Variants in C4orf36 observed in about 807,000 individuals in gnomAD.
C4orf36 encodes the protein chromosome 4 open reading frame 36.
In C4orf36, 11 loss-of-function variants were observed where a neutral mutation model predicts 12.2. The observed-to-expected ratio is 0.90, with a 90% CI of 0.57 to 1.49. The LOEUF (loss-of-function observed/expected upper bound fraction) is 1.49, where lower values mean the gene tolerates loss of function less well. C4orf36 is among the 40% of genes most tolerant of loss of function. The pLI is 0.00. For missense variants in C4orf36, 137 were observed against 133.9 expected, an observed-to-expected ratio of 1.02 and a Z score of -0.11; for synonymous variants, 54 against 51.3, an observed-to-expected ratio of 1.05 and a Z score of -0.22.
chr4:86,914,501 A>G, the C4orf36 span: 2 of 480,306 alleles, frequency 4.2e-6, no homozygotes, highest in Non-Finnish European at 3.6e-6. Flanking sequence ...CTTGGGTACC[A>G]GCAATTCTCC....
At chr4:86,923,621 TG>T in the C4orf36 span, among the ~76,000 whole-genome samples, 1 of 151,862 alleles carries the variant, frequency 6.6e-6, no homozygotes, top group East Asian at 1.9e-4. Flanking sequence ...TAGCCACATG[TG>T]GTGGTGGCAG....
chr4:86,908,501 G>C, the C4orf36 span, among the ~76,000 whole-genome samples: 1 of 143,818 alleles, frequency 7.0e-6, no homozygotes, highest in Non-Finnish European at 1.5e-5. Flanking sequence ...TTAAAAGTAA[G>C]TAATATGAGA....
At chr4:86,909,873 C>A in the C4orf36 span, among the ~76,000 whole-genome samples, 5 of 137,230 alleles carry the variant, frequency 3.6e-5, no homozygotes, top group Non-Finnish European at 4.6e-5. Flanking sequence ...AGCCAGGTGC[C>A]TGGGCAACAG....
intron 4 of C4orf36, among the ~76,000 whole-genome samples, chr4:86,879,851 C>CT (rs34363324): frequency 8.7e-5 from 12 of 137,302 alleles, no homozygotes; most frequent in Admixed American, 5.0e-4. Flanking sequence ...TGTTTTGTTT[C>CT]TTTTTTTTTT....
At chr4:86,921,996 CACAT>C in the C4orf36 span, among the ~76,000 whole-genome samples, 4 of 152,104 alleles carry the variant, frequency 2.6e-5, no homozygotes, top group South Asian at 2.1e-4. Context: ...AATTATAACT[CACAT>C]ACAAATACAA....
At chr4:86,920,276 A>G in the C4orf36 span, among the ~76,000 whole-genome samples, 1 of 152,120 alleles carries the variant, frequency 6.6e-6, no homozygotes, top group Non-Finnish European at 1.5e-5. Context: ...GTAATCTATA[A>G]TTAGTCTCAG....
the C4orf36 span, among the ~76,000 whole-genome samples, chr4:86,905,422 G>A: frequency 6.6e-6 from 1 of 151,786 alleles, no homozygotes; most frequent in South Asian, 2.1e-4. Context: ...TGTGGCAGTT[G>A]CGTGCCTGTA....
intron 4 of C4orf36, chr4:86,887,485 T>C: frequency 3.2e-6 from 1 of 312,318 alleles, no homozygotes; most frequent in Non-Finnish European, 5.8e-6. Context: ...TTTAGTGCAA[T>C]TTTACAAAAA....
At chr4:86,902,971 G>A in the C4orf36 span, among the ~76,000 whole-genome samples, 1 of 152,218 alleles carries the variant, frequency 6.6e-6, no homozygotes, top group South Asian at 2.1e-4. Context: ...ACCTTTGAAG[G>A]GAGAGAGGGG....
chr4:86,904,958 G>C, the C4orf36 span, among the ~76,000 whole-genome samples: 2 of 152,094 alleles, frequency 1.3e-5, no homozygotes, highest in Non-Finnish European at 2.9e-5. Context: ...AATGAGGGGC[G>C]GTTGCGGTAA....
the C4orf36 span, among the ~76,000 whole-genome samples, chr4:86,911,110 T>C: frequency 6.6e-6 from 1 of 151,866 alleles, no homozygotes; most frequent in Non-Finnish European, 1.5e-5. Flanking sequence ...AAGTTTTGCA[T>C]GAAATAACCA....
the C4orf36 span, among the ~76,000 whole-genome samples, chr4:86,902,471 A>G: frequency 6.6e-6 from 1 of 151,864 alleles, no homozygotes. Flanking sequence ...AAAGGGAATG[A>G]ACAGACTCTC....
the C4orf36 span, among the ~76,000 whole-genome samples, chr4:86,916,684 G>A: frequency 1.2e-3 from 178 of 152,244 alleles, 1 homozygote; most frequent in African/African-American, 4.1e-3. Flanking sequence ...CACATATTCT[G>A]GGTATAAATG....
At chr4:86,906,412 T>C in the C4orf36 span, among the ~76,000 whole-genome samples, 1 of 152,076 alleles carries the variant, frequency 6.6e-6, no homozygotes, top group African/African-American at 2.4e-5. Flanking sequence ...CGGATTCAGA[T>C]AGTATGGGCC....
chr4:86,908,630 C>G, the C4orf36 span, among the ~76,000 whole-genome samples: 9 of 151,384 alleles, frequency 5.9e-5, no homozygotes, highest in Non-Finnish European at 8.8e-5. Flanking sequence ...CCCTCCCTCC[C>G]CCTCCTCAAC....
Position 86,883,683 on chromosome 4 carries a change from T to C in C4orf36, c.*2+4075A>G, listed in dbSNP as rs114890492. Among the ~76,000 whole-genome samples the C allele has an allele frequency of 3.9e-3, 590 of 152,280 alleles. 5 individuals carry two copies. Among genetic ancestry groups the C allele is most frequent in the African/African-American group, 0.014 (570 of 41,562 alleles). ...GAAAGGCACCCAGGTCTAAAGTCTA[T>C]ATTCTTAAACAGTATGCCACAGTGC... is the stretch of plus-strand genomic sequence containing the variant. On this transcript the variant is annotated intron_variant, in intron 4 of 4. Transcript: ENST00000295898.
intron 4 of C4orf36, among the ~76,000 whole-genome samples, chr4:86,877,781 A>G (rs1455786213): frequency 6.6e-6 from 1 of 152,236 alleles, no homozygotes; most frequent in African/African-American, 2.4e-5. Context: ...TAAACTATGG[A>G]CCTACATGGA....
chr4:86,915,925 G>A, the C4orf36 span, among the ~76,000 whole-genome samples: 15 of 152,156 alleles, frequency 9.9e-5, no homozygotes, highest in Non-Finnish European at 1.8e-4. Flanking sequence ...AGCAACCACC[G>A]GAAGCTAGGA....
the C4orf36 span, among the ~76,000 whole-genome samples, chr4:86,920,222 C>T: frequency 4.6e-5 from 7 of 152,166 alleles, no homozygotes; most frequent in African/African-American, 1.7e-4. Context: ...AGATTGGCCT[C>T]TACTGTCTAT....
Sources: allele counts gnomAD v4.1 joint callset (sites outside exome capture counted in the v4.1 genomes callset), GRCh38; gene constraint gnomAD v4.1.1; transcripts MANE v1.5; gene names NCBI Gene and HGNC (gene_info 2026-07-23, HGNC 2026-07-21).